TRIR: variants seen among roughly 807,000 people sequenced by gnomAD.
The protein encoded by TRIR is telomerase RNA component-interacting RNase.
A neutral mutation model predicts 18.2 loss-of-function variants in TRIR; 5 were observed. The ratio of observed to expected loss-of-function variants is 0.27; its 90% CI spans 0.14 to 0.58. The LOEUF is 0.58. TRIR is among the 20% of genes least tolerant of loss of function. TRIR has a pLI of 0.91. For synonymous variants in TRIR, 134 were observed against 114.4 expected (o/e 1.17, Z -1.10); for missense variants, 206 against 252.8 (o/e 0.81, Z 1.25).
At chr19:12,732,957 G>A (rs751024647) in intron 1 of TRIR, among the ~76,000 whole-genome samples, 1 of 152,026 alleles carries the variant, frequency 6.6e-6, no homozygotes, top group South Asian at 2.1e-4. Context: ...AGGCTAGAGC[G>A]CAGTGGTGCA....
At position 12,734,524 on chromosome 19, in the gene TRIR, G is replaced by A; in HGVS notation, c.134C>T (p.Ser45Leu). ...CGACACCGGGCTCGAACCCGCGCCC[G>A]ACACCTCCTCGTCCCCGCTCTCGGG... ...TSPESGDEEV[S>L]GAGSSPVSGG... is the part of the protein sequence containing the mutation. The change falls in exon 1 of 3, where the codon TCG becomes TTG. Residue 45 changes from serine to leucine, a missense_variant. Ser to Leu is a moderately radical substitution (Grantham distance 145). Coordinates refer to ENST00000242784, the MANE Select transcript of TRIR (RefSeq NM_024038.4). The surrounding 1 kb of genome is among the most constrained non-coding windows in gnomAD (Gnocchi z 4.1). 5 of 1,535,814 alleles carry A rather than the reference G, an allele frequency of 3.3e-6. No individual in the cohort carries two copies. Among genetic ancestry groups the A allele is most frequent in the Non-Finnish European group, 4.4e-6 (5 of 1,143,994 alleles).
At position 12,730,693 on chromosome 19, in the gene TRIR, A is replaced by C; in HGVS notation, c.*268T>G. 1 of 524,458 alleles carries C rather than the reference A, an allele frequency of 1.9e-6. No individual in the cohort carries two copies. Among genetic ancestry groups the C allele is most frequent in the Non-Finnish European group, 3.4e-6 (1 of 290,808 alleles). The allele number at this position is 524,458 out of a possible 1,614,324, so 32.5% of individuals were successfully genotyped here. A position where few individuals can be genotyped will look rare whatever the true frequency, so the allele number is the denominator to read the frequency against. ...CCAGAAGTGATGGCTAAGGGGAGGG[A>C]GGAGGGTGAGAAGAGGAAGACAGAA... On this transcript the variant is annotated 3_prime_UTR_variant, in exon 3 of 3. Coordinates refer to ENST00000242784, the MANE Select transcript of TRIR (RefSeq NM_024038.4).
chr19:12,731,058 C>G lies in TRIR; in HGVS notation c.434G>C (p.Ser145Thr). 1 of 1,613,738 alleles carries G rather than the reference C, an allele frequency of 6.2e-7. No individual in the cohort carries two copies. Among genetic ancestry groups the G allele is most frequent in the Non-Finnish European group, 8.5e-7 (1 of 1,179,716 alleles). ...GTACTTGGCCCACGCGTCACCTTTA[C>G]TTGTTAATACCTGTGGAAAGGGGAT... ...KQKTEDEVLT[S>T]KGDAWAKYMA... Residue 145 changes from serine (S) to threonine (T), a missense_variant, in exon 3 of 3, where the codon AGT (serine) becomes ACT (threonine). By Grantham distance (58) the Ser-to-Thr change is moderately conservative. Transcript: ENST00000242784. This position sits in a 1 kb window ranked among gnomAD's most constrained non-coding sequence, Gnocchi z 5.1.
Position 12,734,403 on chromosome 19 carries a change from G to C in TRIR, c.255C>G (p.Pro85=). The C allele has an allele frequency of 6.6e-7, 1 of 1,517,204 alleles. No homozygotes were observed. Among genetic ancestry groups the C allele is most frequent in the Non-Finnish European group, 8.8e-7 (1 of 1,133,748 alleles). 94.0% of individuals were successfully genotyped at this position (1,517,204 alleles called of 1,614,324 possible). ...ACTGGTCGGGTCGCTGCGGACCCGG[G>C]GGCGGCTCCTCCTGCCGCTGCCGCT... is the stretch of plus-strand genomic sequence containing the variant. ...EEQRQRQEEP[P]PGPQRPDQSA... Residue 85 remains proline (P), a synonymous_variant, in exon 1 of 3, where the codon CCC becomes CCG. Transcript: ENST00000242784. The surrounding 1 kb of genome is among the most constrained non-coding windows in gnomAD (Gnocchi z 4.1).
In TRIR at chr19:12,734,573, C is replaced by T. The variant is rs950511049; in HGVS notation, c.85G>A (p.Ala29Thr). ...AGGGGGGSRW[A>T]ESGSGTSPES... is the part of the protein sequence containing the mutation. ...GGCGACGTCCCCGATCCCGACTCAG[C>T]CCAACGGCTCCCGCCACCGCCACCG... is the stretch of plus-strand genomic sequence containing the variant. The change falls in exon 1 of 3, where the codon GCT becomes ACT. Residue 29 changes from alanine to threonine, a missense_variant. Coordinates refer to ENST00000242784, the MANE Select transcript of TRIR (RefSeq NM_024038.4). The surrounding 1 kb of genome is among the most constrained non-coding windows in gnomAD (Gnocchi z 4.1). 1.3e-6 allele frequency: 2 copies of T among 1,525,358 alleles called. No homozygotes were observed. Among genetic ancestry groups the T allele is most frequent in the African/African-American group, 1.4e-5 (1 of 70,378 alleles). 94.5% of individuals were successfully genotyped at this position (1,525,358 alleles called of 1,614,324 possible).
intron 1 of TRIR, among the ~76,000 whole-genome samples, chr19:12,732,596 A>G (rs1389277131): frequency 4.4e-5 from 6 of 136,712 alleles, no homozygotes; most frequent in South Asian, 2.3e-4. Flanking sequence ...GACTATTTCC[A>G]TTTTTTTTTT....
chr19:12,730,815 T>C lies in TRIR; in HGVS notation c.*146A>G. 1 of 718,410 alleles carries C rather than the reference T, an allele frequency of 1.4e-6. No homozygotes were observed. 44.5% of individuals were successfully genotyped at this position (718,410 alleles called of 1,614,324 possible). On this transcript the variant is annotated 3_prime_UTR_variant, in exon 3 of 3. Transcript: ENST00000242784. ...AGTGCTCAAGGTAAAAAAAGAGTCC[T>C]GGAGAATCGTCCACGGCTGCGGGAA...
In TRIR at chr19:12,730,835, C is replaced by T. The variant is rs1043899123; in HGVS notation, c.*126G>A. On this transcript the variant is annotated 3_prime_UTR_variant, in exon 3 of 3. Coordinates refer to ENST00000242784, the MANE Select transcript of TRIR (RefSeq NM_024038.4). ...AGTCCTGGAGAATCGTCCACGGCTG[C>T]GGGAAGCATCTCGGTTTCCTTCTGC... The T allele has an allele frequency of 7.2e-6, 6 of 835,504 alleles. No individual in the cohort carries two copies. Among genetic ancestry groups the T allele is most frequent in the Admixed American group, 6.6e-5 (3 of 45,186 alleles). The allele number at this position is 835,504 out of a possible 1,614,324, so 51.8% of individuals were successfully genotyped here.
chr19:12,733,621 T>G (rs1967474442), intron 1 of TRIR, among the ~76,000 whole-genome samples: 1 of 152,126 alleles, frequency 6.6e-6, no homozygotes, highest in Non-Finnish European at 1.5e-5. Context: ...CTGCCCCAAT[T>G]GAGAACCACC....
Position 12,731,039 on chromosome 19 carries a change from G to C in TRIR, c.453C>G (p.Ala151=), listed in dbSNP as rs750451295. ...EVLTSKGDAW[A]KYMAEVKKYK... ...ACTTTTTCACTTCTGCCATGTACTT[G>C]GCCCACGCGTCACCTTTACTTGTTA... Residue 151 remains alanine, a synonymous_variant, in exon 3 of 3, where the codon GCC becomes GCG. Transcript: ENST00000242784. This position sits in a 1 kb window ranked among gnomAD's most constrained non-coding sequence, Gnocchi z 5.1. 3 of 1,614,032 alleles carry C rather than the reference G, an allele frequency of 1.9e-6. No homozygotes were observed. The highest frequency in any genetic ancestry group is 4.5e-5 in the East Asian group (2 of 44,884).
In TRIR at chr19:12,731,246, TA is replaced by T; in HGVS notation, c.423+97del. On this transcript the variant is annotated intron_variant, in intron 2 of 2. Transcript: ENST00000242784. This position sits in a 1 kb window ranked among gnomAD's most constrained non-coding sequence, Gnocchi z 5.1. ...CCTCCTACCCTGCCAGGCACACTCA[TA>T]AAAGGCCTGGATACCAGACAGGGAG... 3.4e-6 allele frequency: 5 copies of T among 1,466,760 alleles called. No homozygotes were observed. The highest frequency in any genetic ancestry group is 4.8e-6 in the Non-Finnish European group (5 of 1,050,592). 90.9% of individuals were successfully genotyped at this position (1,466,760 alleles called of 1,614,324 possible). A position where few individuals can be genotyped will look rare whatever the true frequency, so the allele number is the denominator to read the frequency against.
Position 12,730,980 on chromosome 19 carries a change from G to A in TRIR, c.512C>T (p.Thr171Ile), listed in dbSNP as rs1251484317. The A allele has an allele frequency of 6.2e-7, 1 of 1,614,064 alleles. No homozygotes were observed. The highest frequency in any genetic ancestry group is 1.7e-5 in the Admixed American group (1 of 60,012). The change falls in exon 3 of 3, where the codon ACT (threonine) becomes ATT (isoleucine). Residue 171 changes from threonine (T) to isoleucine (I), a missense_variant. By Grantham distance (89) the Thr-to-Ile change is moderately conservative. Transcript: ENST00000242784. ...KAHQCGDDDK[T>I]RPLVK ...GGGGCGTCATTTCACCAGGGGCCGA[G>A]TTTTATCATCGTCACCGCACTGGTG...
At position 12,730,766 on chromosome 19, in the gene TRIR, T is replaced by C; in HGVS notation, c.*195A>G. On this transcript the variant is annotated 3_prime_UTR_variant, in exon 3 of 3. Transcript: ENST00000242784. ...TGAGAAGGGGGGGACAGTAAACCAC[T>C]GTTCTATGAAGTCTCACGAGGCAAG... is the stretch of plus-strand genomic sequence containing the variant. The C allele has an allele frequency of 1.6e-6, 1 of 606,202 alleles. No homozygotes were observed. 37.6% of individuals were successfully genotyped at this position (606,202 alleles called of 1,614,324 possible).
In TRIR at chr19:12,730,824, G is replaced by A. The variant is rs567174770; in HGVS notation, c.*137C>T. The A allele has an allele frequency of 1.4e-5, 11 of 765,304 alleles. No individual in the cohort carries two copies. The highest frequency in any genetic ancestry group is 2.2e-5 in the Non-Finnish European group (10 of 456,016). 47.4% of individuals were successfully genotyped at this position (765,304 alleles called of 1,614,324 possible). On this transcript the variant is annotated 3_prime_UTR_variant, in exon 3 of 3. Transcript: ENST00000242784. ...GGTAAAAAAAGAGTCCTGGAGAATC[G>A]TCCACGGCTGCGGGAAGCATCTCGG...
chr19:12,731,099 G>A lies in TRIR; in HGVS notation c.424-31C>T. 1 of 1,579,982 alleles carries A rather than the reference G, an allele frequency of 6.3e-7. No homozygotes were observed. Among genetic ancestry groups the A allele is most frequent in the Non-Finnish European group, 8.7e-7 (1 of 1,149,532 alleles). ...GAAAGGGGATACGGGTTAGGACGGG[G>A]GTGCCAGGAACCAGGGTCAGGACTG... is the stretch of plus-strand genomic sequence containing the variant. On this transcript the variant is annotated intron_variant, in intron 2 of 2. Coordinates refer to ENST00000242784, the MANE Select transcript of TRIR (RefSeq NM_024038.4). The surrounding 1 kb of genome is among the most constrained non-coding windows in gnomAD (Gnocchi z 5.1).
chr19:12,734,532 C>T lies in TRIR; in HGVS notation c.126G>A (p.Glu42=), dbSNP rs1483989826. The T allele has an allele frequency of 6.5e-7, 1 of 1,534,786 alleles. No individual in the cohort carries two copies. Among genetic ancestry groups the T allele is most frequent in the African/African-American group, 1.4e-5 (1 of 71,266 alleles). The change falls in exon 1 of 3, where the codon GAG becomes GAA. Residue 42 remains glutamate (E), a synonymous_variant. Transcript: ENST00000242784. The surrounding 1 kb of genome is among the most constrained non-coding windows in gnomAD (Gnocchi z 4.1). The stretch of plus-strand genomic sequence containing the variant: ...GGCTCGAACCCGCGCCCGACACCTC[C>T]TCGTCCCCGCTCTCGGGCGACGTCC... ...GSGTSPESGD[E]EVSGAGSSPV...
Position 12,731,635 on chromosome 19 carries a change from G to C in TRIR, c.346-214C>G. On this transcript the variant is annotated intron_variant, in intron 1 of 2. Transcript: ENST00000242784. The surrounding 1 kb of genome is among the most constrained non-coding windows in gnomAD (Gnocchi z 5.1). ...GCGGTGCCCTCCCAGGGAGCAAGAA[G>C]AGTGTCCACCTCAGTAGGGACCAGC... is the stretch of plus-strand genomic sequence containing the variant. 1 of 584,952 alleles carries C rather than the reference G, an allele frequency of 1.7e-6. No homozygotes were observed. The allele number at this position is 584,952 out of a possible 1,614,324, so 36.2% of individuals were successfully genotyped here.
Position 12,734,454 on chromosome 19 carries a change from C to G in TRIR, c.204G>C (p.Leu68=). 6.5e-7 allele frequency: 1 copy of G among 1,534,038 alleles called. No individual in the cohort carries two copies. Among genetic ancestry groups the G allele is most frequent in the Non-Finnish European group, 8.8e-7 (1 of 1,141,800 alleles). ...LFANDGSFLE[L]FKRKMEEEQR... ...GCTCCTCCTCCATCTTCCGCTTGAA[C>G]AGCTCCAGGAAGCTGCCGTCGTTGG... is the stretch of plus-strand genomic sequence containing the variant. The change falls in exon 1 of 3, where the codon CTG becomes CTC. Residue 68 remains leucine (L), a synonymous_variant. Transcript: ENST00000242784. This position sits in a 1 kb window ranked among gnomAD's most constrained non-coding sequence, Gnocchi z 4.1.
intron 1 of TRIR, among the ~76,000 whole-genome samples, chr19:12,732,586 G>A (rs1173257068): frequency 6.6e-6 from 1 of 151,862 alleles, no homozygotes; most frequent in Non-Finnish European, 1.5e-5. Flanking sequence ...GTGCTGCTGG[G>A]ACTATTTCCA....
Sources: allele counts gnomAD v4.1 joint callset (sites outside exome capture counted in the v4.1 genomes callset), GRCh38; gene constraint gnomAD v4.1.1; non-coding constraint Gnocchi (gnomAD v3.1); transcripts MANE v1.5; gene names NCBI Gene and HGNC (gene_info 2026-07-23, HGNC 2026-07-21).